Variants in EPB41 observed in about 807,000 individuals in gnomAD.
EPB41 encodes protein 4.1.
EPB41 carries 65 observed loss-of-function variants against 108.0 expected under a neutral mutation model. The observed-to-expected ratio is 0.60, with a 90% confidence interval of 0.49 to 0.74. EPB41 has a LOEUF of 0.74. Among genes scored for constraint, EPB41 ranks in the 30% least tolerant of loss-of-function variants. EPB41 has a pLI of 0.00. For missense variants in EPB41, 875 were observed against 1,037.0 expected (o/e 0.84, Z 2.15); for synonymous variants, 336 against 358.9 (o/e 0.94, Z 0.72).
rs1670666348 is a variant in EPB41, at chr1:29,115,596, AG to A, written c.2497-101del. On this transcript the variant is annotated intron_variant, in intron 19 of 20. Transcript: ENST00000343067. The surrounding 1 kb of genome is among the most constrained non-coding windows in gnomAD (Gnocchi z 4.4). The stretch of plus-strand genomic sequence containing the variant: ...CTAAAGCTGCCCTGGTACTGCAGAC[AG>A]GAGTATTGGATCTGTCAGAACATCA... 3 of 966,006 alleles carry A rather than the reference AG, an allele frequency of 3.1e-6. No individual in the cohort carries two copies. The Admixed American group carries it at 5.8e-5, about 19-fold the overall frequency. 59.8% of individuals were successfully genotyped at this position (966,006 alleles called of 1,614,324 possible). A position where few individuals can be genotyped will look rare whatever the true frequency, so the allele number is the denominator to read the frequency against.
chr1:29,089,981 A>G (rs1025630836), intron 16 of EPB41, among the ~76,000 whole-genome samples: 6 of 152,136 alleles, frequency 3.9e-5, no homozygotes, highest in African/African-American at 1.2e-4. Flanking sequence ...GAGCTTTAAC[A>G]GGCTGGGCAC....
At position 28,979,714 on chromosome 1, in the gene EPB41, C is replaced by CT. The variant is rs34603544; in HGVS notation, c.-7-7704dup. ...GATGGTACTTTTGAAACTGTCCTCACTTTTTTTTTTTTTAATCACTTGTAT... is the reference window on the plus strand; with the variant it reads ...GATGGTACTTTTGAAACTGTCCTCACTTTTTTTTTTTTTTAATCACTTGTAT... On this transcript the variant is annotated intron_variant, in intron 1 of 20. Transcript: ENST00000343067. 7.8e-4 allele frequency among the ~76,000 whole-genome samples: 114 copies of CT among 145,432 alleles called. 1 individual carries two copies. Among genetic ancestry groups the CT allele is most frequent in the African/African-American group, 1.2e-3 (48 of 39,094 alleles).
At chr1:29,106,771 A>G (rs916346092) in intron 17 of EPB41, among the ~76,000 whole-genome samples, 1 of 150,760 alleles carries the variant, frequency 6.6e-6, no homozygotes, top group Admixed American at 6.6e-5. Context: ...ATGGGGTTTC[A>G]CCATATTGGT....
At chr1:28,952,827 C>A (rs911011815) in intron 1 of EPB41, among the ~76,000 whole-genome samples, 6 of 152,190 alleles carry the variant, frequency 3.9e-5, no homozygotes, top group Admixed American at 2.0e-4. Context: ...TTAGATGAAG[C>A]TAGAGATTTA....
intron 4 of EPB41, among the ~76,000 whole-genome samples, chr1:28,998,650 T>C (rs1421507232): frequency 3.9e-5 from 6 of 152,232 alleles, no homozygotes; most frequent in Non-Finnish European, 8.8e-5. Flanking sequence ...GACTACTAAC[T>C]CAAACAGAAC....
chr1:29,072,820 G>A (rs1187078409), intron 16 of EPB41: 12 of 152,102 alleles, frequency 7.9e-5, no homozygotes, highest in Admixed American at 7.9e-4. Context: ...GCAACATAAA[G>A]CGTAAATGGG....
chr1:28,929,129 G>A (rs1487969483), intron 1 of EPB41, among the ~76,000 whole-genome samples: 4 of 152,092 alleles, frequency 2.6e-5, no homozygotes, highest in East Asian at 3.8e-4. Flanking sequence ...TAATGAATGG[G>A]AACTAATTAT....
chr1:29,008,064 T>C (rs2149857870), intron 4 of EPB41, among the ~76,000 whole-genome samples: 1 of 152,326 alleles, frequency 6.6e-6, no homozygotes, highest in South Asian at 2.1e-4. Context: ...GATGTACATG[T>C]AGGTTGTTTC....
chr1:28,982,473 A>C, intron 1 of EPB41: 1 of 793,984 alleles, frequency 1.3e-6, no homozygotes, highest in South Asian at 1.3e-5. Flanking sequence ...GGTAGTGGTC[A>C]ATTCCAGACA....
chr1:28,969,380 C>A (rs1398311360), intron 1 of EPB41, among the ~76,000 whole-genome samples: 1 of 152,086 alleles, frequency 6.6e-6, no homozygotes, highest in Non-Finnish European at 1.5e-5. Context: ...CCACCACGCC[C>A]AGCCCATGTC....
chr1:28,959,766 T>C (rs761143002), intron 1 of EPB41, among the ~76,000 whole-genome samples: 9 of 152,092 alleles, frequency 5.9e-5, no homozygotes, highest in Non-Finnish European at 1.3e-4. Flanking sequence ...AATAGAAGAA[T>C]TTAAGGTTTT....
intron 2 of EPB41, among the ~76,000 whole-genome samples, chr1:28,988,354 T>C (rs1442766839): frequency 1.3e-5 from 2 of 152,186 alleles, no homozygotes; most frequent in Non-Finnish European, 2.9e-5. Context: ...TAAAGCTTTA[T>C]AGTTTCTACT....
At chr1:29,112,542 A>C in intron 19 of EPB41, 94 bp downstream of exon 19, 1 of 1,057,090 alleles carries the variant, frequency 9.5e-7, no homozygotes, top group African/African-American at 1.6e-5. Flanking sequence ...ATCTGCAAAA[A>C]GCCTCTTTGG....
intron 16 of EPB41, among the ~76,000 whole-genome samples, chr1:29,075,628 C>A (rs994274572): frequency 5.3e-5 from 8 of 152,120 alleles, no homozygotes; most frequent in Non-Finnish European, 1.0e-4. Context: ...GTCTCAAAAT[C>A]AACAAAGGCA....
At chr1:28,995,869 G>C (rs2096159592) in intron 3 of EPB41, among the ~76,000 whole-genome samples, 1 of 151,852 alleles carries the variant, frequency 6.6e-6, no homozygotes, top group African/African-American at 2.4e-5. Flanking sequence ...GAAAACATGG[G>C]AGAAAAAAAG....
chr1:29,053,185 G>C lies in EPB41; in HGVS notation c.1718G>C (p.Gly573Ala). The C allele has an allele frequency of 3.1e-6, 5 of 1,614,206 alleles. No individual in the cohort carries two copies. The highest frequency in any genetic ancestry group is 4.2e-6 in the Non-Finnish European group (5 of 1,180,050). ...AITQGQVAEG[G>A]VLDASAKKTV... ...ACTCAGGGTCAGGTTGCAGAAGGTG[G>C]CGTCCTAGATGCCTCTGCTAAAAAA... Residue 573 changes from glycine (G) to alanine (A), a missense_variant, in exon 12 of 21, where the codon GGC becomes GCC. Gly to Ala is a moderately conservative substitution (Grantham distance 60, BLOSUM62 0). Coordinates refer to ENST00000343067, the MANE Select transcript of EPB41 (RefSeq NM_001376013.1).
intron 1 of EPB41, among the ~76,000 whole-genome samples, chr1:28,931,558 T>G (rs1200601273): frequency 1.3e-5 from 2 of 151,242 alleles, no homozygotes; most frequent in East Asian, 3.9e-4. Context: ...AGACAAAGTC[T>G]CGCTCTGTTG....
At chr1:29,000,253 C>G (rs148934207) in intron 4 of EPB41, among the ~76,000 whole-genome samples, 1 of 152,136 alleles carries the variant, frequency 6.6e-6, no homozygotes, top group Admixed American at 6.5e-5. Context: ...CATGCATCAC[C>G]ATGCCTGTCT....
intron 16 of EPB41, among the ~76,000 whole-genome samples, chr1:29,085,060 T>C (rs1658205937): frequency 6.6e-6 from 1 of 152,150 alleles, no homozygotes; most frequent in East Asian, 1.9e-4. Flanking sequence ...ATATGAATTG[T>C]GATGTGATAG....
Sources: gnomAD v4.1 joint callset for allele counts (sites outside exome capture counted in the v4.1 genomes callset) on GRCh38, gnomAD v4.1.1 for gene constraint, Gnocchi (gnomAD v3.1) non-coding constraint, MANE v1.5 for transcripts, NCBI Gene and HGNC (gene_info 2026-07-23, HGNC 2026-07-21) for gene names.